RBMS1: variants seen among roughly 807,000 people sequenced by gnomAD.
RBMS1 encodes the protein RNA-binding motif, single-stranded-interacting protein 1.
In RBMS1, 17 loss-of-function variants were observed where a neutral mutation model predicts 62.3. That is an observed-to-expected ratio of 0.27 (90% CI 0.19 to 0.41). The LOEUF is 0.41. RBMS1 is among the 10% of genes least tolerant of loss of function. The pLI, the probability that RBMS1 is intolerant of heterozygous loss-of-function variation, is 1.00. For synonymous variants in RBMS1, 172 were observed against 170.0 expected (o/e 1.01, Z -0.09); for missense variants, 334 against 504.5 (o/e 0.66, Z 3.24).
At chr2:160,448,750 C>T (rs1266602660) in intron 1 of RBMS1, among the ~76,000 whole-genome samples, 5 of 151,870 alleles carry the variant, frequency 3.3e-5, no homozygotes, top group Admixed American at 6.5e-5. Flanking sequence ...TCTGCCTGGC[C>T]GCCCATCGTC....
At chr2:160,481,364 AAAAAAAG>A (rs1026013994) in intron 1 of RBMS1, among the ~76,000 whole-genome samples, 8 of 151,436 alleles carry the variant, frequency 5.3e-5, no homozygotes, top group Non-Finnish European at 5.9e-5. Flanking sequence ...AATGTAAAAA[AAAAAAAG>A]AAAAAAATTC....
chr2:160,438,155 G>A (rs894245537), intron 1 of RBMS1, among the ~76,000 whole-genome samples: 1 of 151,878 alleles, frequency 6.6e-6, no homozygotes, highest in Non-Finnish European at 1.5e-5. Flanking sequence ...CAGAAGTAAA[G>A]AATATTCTTC....
At chr2:160,286,351 G>A (rs1351070990) in intron 7 of RBMS1, among the ~76,000 whole-genome samples, 3 of 132,582 alleles carry the variant, frequency 2.3e-5, no homozygotes, top group Non-Finnish European at 3.1e-5. Flanking sequence ...ATGGAGTCTC[G>A]CTCTGTTGCC....
intron 1 of RBMS1, among the ~76,000 whole-genome samples, chr2:160,411,925 G>A (rs1696055861): frequency 6.6e-6 from 1 of 152,190 alleles, no homozygotes; most frequent in Admixed American, 6.5e-5. Flanking sequence ...CTAAGGTTGT[G>A]TATACTGCAG....
intron 2 of RBMS1, among the ~76,000 whole-genome samples, chr2:160,357,206 G>A (rs963075947): frequency 3.9e-5 from 6 of 152,056 alleles, no homozygotes; most frequent in Admixed American, 2.6e-4. Context: ...CACAGAGAAG[G>A]AAAGGGTGAT....
intron 1 of RBMS1, among the ~76,000 whole-genome samples, chr2:160,371,518 C>T (rs1388341740): frequency 1.3e-5 from 2 of 152,228 alleles, no homozygotes; most frequent in Non-Finnish European, 2.9e-5. Flanking sequence ...AAACTACATT[C>T]TTCTATCTCC....
At chr2:160,481,078 T>TA (rs71006610) in intron 1 of RBMS1, among the ~76,000 whole-genome samples, 9,949 of 112,388 alleles carry the variant, frequency 0.089, 568 homozygotes, top group East Asian at 0.24. Context: ...GAGACTGCCT[T>TA]AAAAAAAAAA....
intron 1 of RBMS1, among the ~76,000 whole-genome samples, chr2:160,382,918 C>T (rs904452768): frequency 1.3e-5 from 2 of 151,972 alleles, no homozygotes; most frequent in Non-Finnish European, 2.9e-5. Context: ...ACATGTAGAG[C>T]CATCCTAATA....
chr2:160,490,794 T>C (rs62175966), intron 1 of RBMS1, among the ~76,000 whole-genome samples: 1,619 of 152,326 alleles, frequency 0.011, 21 homozygotes, highest in Middle Eastern at 0.037. Context: ...TGAGTACAAA[T>C]TAGCTATCAC....
intron 1 of RBMS1, among the ~76,000 whole-genome samples, chr2:160,475,046 A>G (rs1685068395): frequency 6.6e-6 from 1 of 152,224 alleles, no homozygotes; most frequent in Non-Finnish European, 1.5e-5. Flanking sequence ...ATTTTCTTAG[A>G]AAGTTTCCAT....
At chr2:160,314,446 T>C (rs1318289294) in intron 3 of RBMS1, among the ~76,000 whole-genome samples, 1 of 152,118 alleles carries the variant, frequency 6.6e-6, no homozygotes, top group African/African-American at 2.4e-5. Flanking sequence ...TACAGAAATA[T>C]TACTAAGTAA....
At chr2:160,484,208 C>A (rs1161883568) in intron 1 of RBMS1, among the ~76,000 whole-genome samples, 1 of 152,026 alleles carries the variant, frequency 6.6e-6, no homozygotes, top group African/African-American at 2.4e-5. Flanking sequence ...TAAAAATGTA[C>A]GCCATAGGCC....
intron 1 of RBMS1, among the ~76,000 whole-genome samples, chr2:160,393,045 A>G (rs1336999634): frequency 2.0e-5 from 3 of 152,218 alleles, no homozygotes; most frequent in Admixed American, 6.5e-5. Context: ...TGTCAAGAAC[A>G]TGGAAGATAT....
At chr2:160,415,532 C>G (rs922720409) in intron 1 of RBMS1, among the ~76,000 whole-genome samples, 2 of 152,060 alleles carry the variant, frequency 1.3e-5, no homozygotes, top group Middle Eastern at 3.4e-3. Context: ...ATCTTTATAT[C>G]GTGGGAAACA....
chr2:160,362,861 A>C (rs1206746552), intron 2 of RBMS1, among the ~76,000 whole-genome samples: 3 of 151,996 alleles, frequency 2.0e-5, no homozygotes, highest in African/African-American at 4.8e-5. Context: ...AGCCTCAAGG[A>C]AGAGGAGGTT....
chr2:160,484,474 G>A (rs912811528), intron 1 of RBMS1, among the ~76,000 whole-genome samples: 12 of 151,386 alleles, frequency 7.9e-5, no homozygotes, highest in Non-Finnish European at 1.5e-4. Context: ...CAGCCTGGGC[G>A]ACAGAGCGAG....
chr2:160,358,050 T>G (rs373325875), intron 2 of RBMS1, among the ~76,000 whole-genome samples: 2 of 152,136 alleles, frequency 1.3e-5, no homozygotes, highest in African/African-American at 4.8e-5. Context: ...GAAGTAATGA[T>G]GCAACTAACA....
At chr2:160,385,853 A>C (rs1214080162) in intron 1 of RBMS1, among the ~76,000 whole-genome samples, 5 of 152,210 alleles carry the variant, frequency 3.3e-5, no homozygotes, top group Non-Finnish European at 1.5e-5. Context: ...ACCTGCGCTC[A>C]CAAGAGACTC....
chr2:160,413,479 C>T (rs1268037808), intron 1 of RBMS1, among the ~76,000 whole-genome samples: 1 of 152,174 alleles, frequency 6.6e-6, no homozygotes, highest in Non-Finnish European at 1.5e-5. Flanking sequence ...TTTAAAAAAT[C>T]TGCAATTCTT....
Sources: gnomAD v4.1 joint callset for allele counts (sites outside exome capture counted in the v4.1 genomes callset) on GRCh38, gnomAD v4.1.1 for gene constraint, MANE v1.5 for transcripts, NCBI Gene and HGNC (gene_info 2026-07-23, HGNC 2026-07-21) for gene names.